The following DCLK1 variants were observed in gnomAD, a reference collection of about 807,000 sequenced individuals.
The protein encoded by DCLK1 is serine/threonine-protein kinase DCLK1.
DCLK1 carries 16 observed loss-of-function variants against 86.2 expected under a neutral mutation model. The observed-to-expected ratio is 0.19, with a 90% confidence interval of 0.13 to 0.28. DCLK1 has a LOEUF of 0.28. Ranked by LOEUF, DCLK1 falls within the 10% of genes least tolerant of loss-of-function variation. The probability of loss-of-function intolerance (pLI) is 1.00; values close to 1 mark genes in which losing one functional copy is unlikely to be tolerated. For missense variants in DCLK1, 590 were observed against 940.2 expected, an observed-to-expected ratio of 0.63 and a Z score of 4.87; for synonymous variants, 369 against 370.5, an observed-to-expected ratio of 1.00 and a Z score of 0.05.
At chr13:35,990,119 G>A (rs1880155179) in intron 3 of DCLK1, among the ~76,000 whole-genome samples, 1 of 152,158 alleles carries the variant, frequency 6.6e-6, no homozygotes, top group African/African-American at 2.4e-5. Context: ...TGTGGTCCTA[G>A]GTCCTAGTTC....
chr13:36,094,464 T>C (rs1315830494), intron 3 of DCLK1, among the ~76,000 whole-genome samples: 1 of 152,190 alleles, frequency 6.6e-6, no homozygotes, highest in African/African-American at 2.4e-5. Flanking sequence ...GCTGTTGGTG[T>C]TCTGTTGCGT....
intron 2 of DCLK1, among the ~76,000 whole-genome samples, chr13:36,120,495 A>C (rs145232794): frequency 6.6e-6 from 1 of 152,268 alleles, no homozygotes; most frequent in African/African-American, 2.4e-5. Flanking sequence ...CTAGGTGTGG[A>C]GGAGGCTACA....
intron 3 of DCLK1, among the ~76,000 whole-genome samples, chr13:35,948,638 A>T (rs1222223523): frequency 6.6e-6 from 1 of 152,184 alleles, no homozygotes; most frequent in Non-Finnish European, 1.5e-5. Flanking sequence ...TGGGCTTTAG[A>T]CTGTCTTTCC....
chr13:35,967,976 C>T (rs572088480), intron 3 of DCLK1, among the ~76,000 whole-genome samples: 37 of 151,902 alleles, frequency 2.4e-4, no homozygotes, highest in Admixed American at 1.3e-3. Flanking sequence ...ACCAGGATCA[C>T]GCCACTGCAT....
At chr13:35,970,152 T>G (rs1048550688) in intron 3 of DCLK1, among the ~76,000 whole-genome samples, 4 of 152,182 alleles carry the variant, frequency 2.6e-5, no homozygotes, top group Non-Finnish European at 5.9e-5. Context: ...CCCTCACACT[T>G]TTTCTTTTCA....
At chr13:35,894,891 C>G (rs1873860831) in intron 4 of DCLK1, among the ~76,000 whole-genome samples, 1 of 152,194 alleles carries the variant, frequency 6.6e-6, no homozygotes, top group African/African-American at 2.4e-5. Context: ...AAAAGACTGA[C>G]TCCAAACTGG....
At chr13:36,092,233 A>G (rs1593882356) in intron 3 of DCLK1, among the ~76,000 whole-genome samples, 1 of 152,026 alleles carries the variant, frequency 6.6e-6, no homozygotes, top group Non-Finnish European at 1.5e-5. Flanking sequence ...GTGTGATATC[A>G]CACATATTAT....
intron 4 of DCLK1, among the ~76,000 whole-genome samples, chr13:35,918,367 C>T (rs1027067018): frequency 3.3e-5 from 5 of 152,198 alleles, no homozygotes; most frequent in African/African-American, 9.6e-5. Flanking sequence ...AAACCCGAAA[C>T]GTGGAGGAGT....
chr13:36,027,100 A>G (rs947383213), intron 3 of DCLK1, among the ~76,000 whole-genome samples: 3 of 152,216 alleles, frequency 2.0e-5, no homozygotes, highest in Non-Finnish European at 2.9e-5. Flanking sequence ...TTTTCAATGT[A>G]GCATTATCCT....
chr13:35,870,859 G>A (rs1002699776), intron 5 of DCLK1, among the ~76,000 whole-genome samples: 8 of 152,152 alleles, frequency 5.3e-5, no homozygotes, highest in South Asian at 2.1e-4. Flanking sequence ...AAGGTTCAGC[G>A]AATACAAATG....
intron 3 of DCLK1, among the ~76,000 whole-genome samples, chr13:36,019,849 T>C (rs1234089284): frequency 6.6e-6 from 1 of 152,176 alleles, no homozygotes; most frequent in Non-Finnish European, 1.5e-5. Context: ...TATTACTCAA[T>C]GCTATGGTTT....
chr13:35,785,860 C>T (rs891488507), intron 16 of DCLK1, among the ~76,000 whole-genome samples: 1 of 152,170 alleles, frequency 6.6e-6, no homozygotes, highest in Admixed American at 6.5e-5. Flanking sequence ...CAAGCACTCG[C>T]AATCAGTAAG....
At chr13:35,864,043 C>T (rs1871594123) in intron 5 of DCLK1, among the ~76,000 whole-genome samples, 2 of 152,198 alleles carry the variant, frequency 1.3e-5, no homozygotes, top group African/African-American at 4.8e-5. Flanking sequence ...TTTGCCCTTG[C>T]ATCTCCAGCA....
In DCLK1 at chr13:35,770,544, A is replaced by G. The variant is rs2086312344; in HGVS notation, c.*3991T>C. ...TGAGAGTATTTTCCCCAAACTCCTAATGGACATGGCAGACAATGTGTAGAA... is the reference window on the plus strand; with the variant it reads ...TGAGAGTATTTTCCCCAAACTCCTAGTGGACATGGCAGACAATGTGTAGAA... On this transcript the variant is annotated 3_prime_UTR_variant, in exon 17 of 17. Transcript: ENST00000360631. 6.6e-6 allele frequency: 1 copy of G among 152,162 alleles called. No homozygotes were observed. Among genetic ancestry groups the G allele is most frequent in the African/African-American group, 2.4e-5 (1 of 41,436 alleles). The allele number at this position is 152,162 out of a possible 1,614,324, so 9.4% of individuals were successfully genotyped here. A position where few individuals can be genotyped will look rare whatever the true frequency, so the allele number is the denominator to read the frequency against.
chr13:36,124,446 G>A (rs533546879), intron 2 of DCLK1, among the ~76,000 whole-genome samples: 2 of 152,222 alleles, frequency 1.3e-5, no homozygotes, highest in African/African-American at 2.4e-5. Flanking sequence ...TCCTCTGCAC[G>A]CTCTCAAGGC....
chr13:36,069,661 C>A (rs887465589), intron 3 of DCLK1, among the ~76,000 whole-genome samples: 6 of 152,186 alleles, frequency 3.9e-5, no homozygotes, highest in Non-Finnish European at 7.3e-5. Flanking sequence ...CCTCTTCCCA[C>A]CTGGATCCTT....
intron 3 of DCLK1, among the ~76,000 whole-genome samples, chr13:35,984,349 ATTCAC>A (rs758294035): frequency 8.5e-5 from 13 of 152,296 alleles, no homozygotes; most frequent in Admixed American, 7.2e-4. Flanking sequence ...CTGACATGTA[ATTCAC>A]TCAGACCAAA....
At chr13:36,072,309 T>G (rs1884007036) in intron 3 of DCLK1, among the ~76,000 whole-genome samples, 1 of 152,206 alleles carries the variant, frequency 6.6e-6, no homozygotes, top group African/African-American at 2.4e-5. Flanking sequence ...CTGACTTGAT[T>G]CCTATCTAAC....
At chr13:36,011,438 G>A (rs1260452783) in intron 3 of DCLK1, among the ~76,000 whole-genome samples, 12 of 123,392 alleles carry the variant, frequency 9.7e-5, no homozygotes, top group Non-Finnish European at 1.2e-4. Flanking sequence ...CTTTGTTCTC[G>A]TTGGTTTCAA....
Sources: allele counts gnomAD v4.1 joint callset (sites outside exome capture counted in the v4.1 genomes callset), GRCh38; gene constraint gnomAD v4.1.1; transcripts MANE v1.5; gene names NCBI Gene and HGNC (gene_info 2026-07-23, HGNC 2026-07-21).